The following WWOX variants were observed in gnomAD, a reference collection of about 807,000 sequenced individuals.
The protein encoded by WWOX is WW domain containing oxidoreductase.
A neutral mutation model predicts 46.2 loss-of-function variants in WWOX; 69 were observed. That is an observed-to-expected ratio of 1.49 (90% CI 1.23 to 1.82). The LOEUF is 1.82. Among genes scored for constraint, WWOX ranks in the 40% most tolerant of loss-of-function variants. The pLI is 0.00. For missense variants in WWOX, 919 were observed against 542.6 expected (o/e 1.69, Z -6.89); for synonymous variants, 359 against 202.6 (o/e 1.77, Z -6.56).
rs189291678 is a variant in WWOX, at chr16:78,499,033, C to T, written c.1056+66281C>T. Among the ~76,000 whole-genome samples, 19 of 152,246 alleles carry T rather than the reference C, an allele frequency of 1.2e-4. No homozygotes were observed. In the East Asian group the frequency reaches 3.3e-3, roughly 26 times the overall value. ...TACACGAGGTTTCTTAATAGTTTGG[C>T]CTCTGGCAAAAATGGTTTTATTGTA... On this transcript the variant is annotated intron_variant, in intron 8 of 8. Transcript: ENST00000566780.
At chr16:79,209,603 G>A (rs1017916290) in intron 8 of WWOX, among the ~76,000 whole-genome samples, 2 of 152,114 alleles carry the variant, frequency 1.3e-5, no homozygotes, top group African/African-American at 4.8e-5. Flanking sequence ...TGGTCGTTTT[G>A]GCAGCTGCAA....
chr16:79,123,676 A>G (rs1290162844), intron 8 of WWOX, among the ~76,000 whole-genome samples: 1 of 152,128 alleles, frequency 6.6e-6, no homozygotes, highest in African/African-American at 2.4e-5. Context: ...CCCACAGCCA[A>G]TTGCAATCTG....
At chr16:78,432,387 T>G in intron 7 of WWOX, 101 bp from the exon 8 acceptor site, 4 of 1,491,962 alleles carry the variant, frequency 2.7e-6, no homozygotes, top group Non-Finnish European at 3.7e-6. Flanking sequence ...ATTACAGATG[T>G]GAGCCACTGC....
chr16:78,917,072 A>T (rs538479507), intron 8 of WWOX, among the ~76,000 whole-genome samples: 1 of 152,266 alleles, frequency 6.6e-6, no homozygotes, highest in African/African-American at 2.4e-5. Flanking sequence ...ATCTTTCCAG[A>T]TTCAATATAG....
At chr16:78,425,448 C>G (rs2083053646) in intron 7 of WWOX, among the ~76,000 whole-genome samples, 1 of 152,080 alleles carries the variant, frequency 6.6e-6, no homozygotes, top group African/African-American at 2.4e-5. Flanking sequence ...GAGATGAAAT[C>G]AAATTGTTTT....
At chr16:78,174,235 G>C (rs1457686272) in intron 5 of WWOX, among the ~76,000 whole-genome samples, 1 of 152,238 alleles carries the variant, frequency 6.6e-6, no homozygotes, top group Non-Finnish European at 1.5e-5. Context: ...ATCATGGTAG[G>C]AGGCGAAAGG....
chr16:78,956,789 G>A (rs577750524), intron 8 of WWOX, among the ~76,000 whole-genome samples: 1 of 152,138 alleles, frequency 6.6e-6, no homozygotes, highest in Non-Finnish European at 1.5e-5. Context: ...ACCTGTAGGG[G>A]AAACAAAGAG....
chr16:78,636,972 TGTGCAATTCCCAACAGAGGCAA>T (rs1266832683), intron 8 of WWOX, among the ~76,000 whole-genome samples: 1 of 152,204 alleles, frequency 6.6e-6, no homozygotes, highest in Non-Finnish European at 1.5e-5. Flanking sequence ...TCCCCTTGTC[TGTGCAATTCCCAACAGAGGCAA>T]GTGCGCATTT....
intron 5 of WWOX, among the ~76,000 whole-genome samples, chr16:78,351,362 G>GT (rs1369167490): frequency 2.0e-5 from 3 of 152,318 alleles, no homozygotes; most frequent in Non-Finnish European, 4.4e-5. Flanking sequence ...TTGTCCAGCA[G>GT]TTGTGTCAGG....
At chr16:78,111,765 A>G in intron 3 of WWOX, 1 of 160,976 alleles carries the variant, frequency 6.2e-6, no homozygotes, top group Non-Finnish European at 1.4e-5. Flanking sequence ...AGTACGTAGT[A>G]GATAGTGGTA....
intron 8 of WWOX, among the ~76,000 whole-genome samples, chr16:78,724,475 C>T (rs901812406): frequency 3.3e-5 from 5 of 152,138 alleles, no homozygotes; most frequent in African/African-American, 9.7e-5. Context: ...ATTGCATTAT[C>T]ATTATAATAA....
chr16:78,591,165 G>C (rs369829982), intron 8 of WWOX, among the ~76,000 whole-genome samples: 1 of 152,234 alleles, frequency 6.6e-6, no homozygotes, highest in Middle Eastern at 3.4e-3. Flanking sequence ...CCTTTTTCAA[G>C]ATGGTTTTAG....
chr16:78,930,508 C>G (rs113695016), intron 8 of WWOX, among the ~76,000 whole-genome samples: 49 of 133,032 alleles, frequency 3.7e-4, no homozygotes, highest in African/African-American at 1.3e-3. Context: ...CCAGGCTGGT[C>G]TTGAACTCCT....
At chr16:78,817,668 A>C (rs1231062421) in intron 8 of WWOX, among the ~76,000 whole-genome samples, 3 of 152,078 alleles carry the variant, frequency 2.0e-5, no homozygotes, top group South Asian at 2.1e-4. Flanking sequence ...ATTGGGGATG[A>C]GTCTTTGTGT....
chr16:78,977,002 G>A (rs1250406581), intron 8 of WWOX, among the ~76,000 whole-genome samples: 1 of 152,104 alleles, frequency 6.6e-6, no homozygotes, highest in Non-Finnish European at 1.5e-5. Flanking sequence ...GCATGTATAA[G>A]CTCATCAGAG....
chr16:78,996,002 C>G (rs1333587494), intron 8 of WWOX, among the ~76,000 whole-genome samples: 3 of 152,036 alleles, frequency 2.0e-5, no homozygotes, highest in Non-Finnish European at 4.4e-5. Flanking sequence ...TAAAGGGTGG[C>G]TTTGAATGAA....
At chr16:78,757,144 A>G in intron 8 of WWOX, 2 of 631,358 alleles carry the variant, frequency 3.2e-6, no homozygotes, top group Non-Finnish European at 5.7e-6. Context: ...TAAGCTGCTC[A>G]CAAGTTTCTG....
intron 8 of WWOX, among the ~76,000 whole-genome samples, chr16:78,877,439 T>C (rs1394572): frequency 0.38 from 57,534 of 152,072 alleles, 11,824 homozygotes; most frequent in Non-Finnish European, 0.46. Context: ...CGTAGCACCA[T>C]GAGCTGTTCT....
chr16:79,105,130 C>T (rs372093485), intron 8 of WWOX, among the ~76,000 whole-genome samples: 1 of 152,118 alleles, frequency 6.6e-6, no homozygotes, highest in Non-Finnish European at 1.5e-5. Flanking sequence ...TTGGGTGGGT[C>T]CTGTAGCCCC....
Sources: gnomAD v4.1 joint callset for allele counts (sites outside exome capture counted in the v4.1 genomes callset) on GRCh38, gnomAD v4.1.1 for gene constraint, MANE v1.5 for transcripts, NCBI Gene and HGNC (gene_info 2026-07-23, HGNC 2026-07-21) for gene names.